LINGO2: variants seen among roughly 807,000 people sequenced by gnomAD.
The protein encoded by LINGO2 is leucine rich repeat and Ig domain containing 2, also known as leucine-rich repeat and immunoglobulin-like domain-containing nogo receptor-interacting protein 2.
A neutral mutation model predicts 30.6 loss-of-function variants in LINGO2; 14 were observed. The ratio of observed to expected loss-of-function variants is 0.46; its 90% CI spans 0.30 to 0.72. The LOEUF is 0.72. LINGO2 is among the 30% of genes least tolerant of loss of function. LINGO2 has a pLI of 0.07. For synonymous variants in LINGO2, 317 were observed against 288.5 expected (o/e 1.10, Z -1.00); for missense variants, 729 against 751.7 (o/e 0.97, Z 0.35).
the LINGO2 span, among the ~76,000 whole-genome samples, chr9:29,059,077 A>G: frequency 3.3e-5 from 5 of 152,092 alleles, no homozygotes; most frequent in South Asian, 8.3e-4. Context: ...GGATGAATCT[A>G]ACAAAACATA....
At chr9:29,142,222 A>C in the LINGO2 span, among the ~76,000 whole-genome samples, 1 of 151,830 alleles carries the variant, frequency 6.6e-6, no homozygotes, top group Admixed American at 6.6e-5. Context: ...CAAATACAGT[A>C]GAATAAAACT....
chr9:28,471,880 T>A (rs79965101), intron 2 of LINGO2, among the ~76,000 whole-genome samples: 1 of 152,282 alleles, frequency 6.6e-6, no homozygotes, highest in East Asian at 1.9e-4. Context: ...ATGAAATACA[T>A]TGAAAATTAA....
At chr9:28,420,754 T>C (rs1243495118) in intron 2 of LINGO2, among the ~76,000 whole-genome samples, 1 of 152,094 alleles carries the variant, frequency 6.6e-6, no homozygotes, top group South Asian at 2.1e-4. Context: ...CCTTTCTTTC[T>C]CTGTGTCAAA....
At chr9:28,504,654 T>A (rs1820031547) in intron 1 of LINGO2, among the ~76,000 whole-genome samples, 1 of 151,534 alleles carries the variant, frequency 6.6e-6, no homozygotes, top group Admixed American at 6.6e-5. Flanking sequence ...TATAAATATT[T>A]TTATATATGT....
At chr9:29,065,216 T>C in the LINGO2 span, among the ~76,000 whole-genome samples, 3 of 152,134 alleles carry the variant, frequency 2.0e-5, no homozygotes, top group African/African-American at 7.2e-5. Flanking sequence ...GGTGCAATTC[T>C]GTAGGTTGTC....
intron 4 of LINGO2, among the ~76,000 whole-genome samples, chr9:28,249,018 C>T (rs907300225): frequency 6.6e-6 from 1 of 152,060 alleles, no homozygotes; most frequent in Non-Finnish European, 1.5e-5. Context: ...TCATGTAGAA[C>T]AACACTTACT....
At chr9:28,814,302 T>C in the LINGO2 span, among the ~76,000 whole-genome samples, 26 of 152,184 alleles carry the variant, frequency 1.7e-4, no homozygotes, top group East Asian at 5.9e-4. Flanking sequence ...CTGGGTGTGG[T>C]GGTGCACGCC....
At chr9:28,288,382 T>C (rs967544332) in intron 4 of LINGO2, among the ~76,000 whole-genome samples, 1 of 152,170 alleles carries the variant, frequency 6.6e-6, no homozygotes, top group African/African-American at 2.4e-5. Flanking sequence ...TTGATTGAAG[T>C]GCAGCTGAAA....
At chr9:28,036,524 T>C (rs1823943906) in intron 4 of LINGO2, among the ~76,000 whole-genome samples, 1 of 152,152 alleles carries the variant, frequency 6.6e-6, no homozygotes, top group African/African-American at 2.4e-5. Context: ...GAAGGAAGAA[T>C]TTTTAGTCAA....
the LINGO2 span, among the ~76,000 whole-genome samples, chr9:29,035,905 A>C: frequency 1.3e-5 from 2 of 152,038 alleles, no homozygotes; most frequent in Admixed American, 1.3e-4. Flanking sequence ...CACTAAGAAG[A>C]GGGAAAAATA....
chr9:28,415,266 A>C (rs565149231), intron 2 of LINGO2, among the ~76,000 whole-genome samples: 6 of 152,158 alleles, frequency 3.9e-5, no homozygotes, highest in Non-Finnish European at 7.4e-5. Context: ...TGTCTCAGTA[A>C]CTCCAGGACC....
chr9:28,185,017 A>G (rs773211746), intron 4 of LINGO2, among the ~76,000 whole-genome samples: 4 of 152,200 alleles, frequency 2.6e-5, no homozygotes, highest in Non-Finnish European at 4.4e-5. Flanking sequence ...AGCTGGATTT[A>G]TGGGCAGGTG....
chr9:28,201,322 T>C (rs1416458245), intron 4 of LINGO2, among the ~76,000 whole-genome samples: 11 of 143,144 alleles, frequency 7.7e-5, no homozygotes, highest in Non-Finnish European at 1.7e-4. Context: ...AGTGAGAATA[T>C]GCGGTGTTTG....
chr9:27,981,941 T>C (rs1169595358), intron 5 of LINGO2, among the ~76,000 whole-genome samples: 1 of 151,860 alleles, frequency 6.6e-6, no homozygotes, highest in Non-Finnish European at 1.5e-5. Context: ...ATCAATAAAA[T>C]TGACCAGGAA....
chr9:28,003,342 TATAGATAG>T (rs200150497), intron 5 of LINGO2, among the ~76,000 whole-genome samples: 2,107 of 141,712 alleles, frequency 0.015, 21 homozygotes, highest in Middle Eastern at 0.021. Context: ...TATATAGATA[TATAGATAG>T]ATAGATAGAT....
chr9:28,675,575 G>A, the LINGO2 span, among the ~76,000 whole-genome samples: 12 of 151,770 alleles, frequency 7.9e-5, no homozygotes, highest in Non-Finnish European at 1.2e-4. Context: ...ATATACAAAA[G>A]TTTATAAAAA....
the LINGO2 span, among the ~76,000 whole-genome samples, chr9:29,171,840 C>G: frequency 6.6e-6 from 1 of 151,776 alleles, no homozygotes; most frequent in African/African-American, 2.4e-5. Context: ...GATTACAGTT[C>G]TTATCTCTGA....
chr9:28,601,895 G>A (rs575908588), intron 1 of LINGO2, among the ~76,000 whole-genome samples: 1 of 152,172 alleles, frequency 6.6e-6, no homozygotes, highest in Non-Finnish European at 1.5e-5. Flanking sequence ...GGCAGATTGA[G>A]AGTACCAAAA....
At chr9:28,848,072 A>AT in the LINGO2 span, among the ~76,000 whole-genome samples, 2,266 of 47,704 alleles carry the variant, frequency 0.048, 590 homozygotes, top group African/African-American at 0.23. Context: ...TGTATATAAT[A>AT]TATATATACA....
Sources: allele counts gnomAD v4.1 joint callset (sites outside exome capture counted in the v4.1 genomes callset), GRCh38; gene constraint gnomAD v4.1.1; transcripts MANE v1.5; gene names NCBI Gene and HGNC (gene_info 2026-07-23, HGNC 2026-07-21).